Variants in RBFOX1 observed in about 807,000 individuals in gnomAD.
RBFOX1 encodes RNA binding protein fox-1 homolog 1.
Under a neutral mutation model 57.7 loss-of-function variants are expected in RBFOX1, and 8 were observed. The ratio of observed to expected loss-of-function variants is 0.14; its 90% CI spans 0.08 to 0.25. The LOEUF (loss-of-function observed/expected upper bound fraction) is 0.25. Ranked by LOEUF, RBFOX1 falls within the 10% of genes least tolerant of loss-of-function variation. The probability of loss-of-function intolerance (pLI) is 1.00; values close to 1 mark genes in which losing one functional copy is unlikely to be tolerated. For synonymous variants in RBFOX1, 326 were observed against 222.4 expected, an observed-to-expected ratio of 1.47 and a Z score of -4.15; for missense variants, 611 against 548.5, an observed-to-expected ratio of 1.11 and a Z score of -1.14.
intron 2 of RBFOX1, among the ~76,000 whole-genome samples, chr16:5,591,188 C>G (rs1233945709): frequency 6.6e-6 from 1 of 151,842 alleles, no homozygotes; most frequent in Non-Finnish European, 1.5e-5. Flanking sequence ...GTACAAAATT[C>G]AAGGGTCAGA....
At chr16:7,132,214 C>T (rs542850002) in intron 4 of RBFOX1, among the ~76,000 whole-genome samples, 7 of 151,994 alleles carry the variant, frequency 4.6e-5, no homozygotes, top group African/African-American at 1.2e-4. Context: ...CTCCTGACTT[C>T]GACTGATCTG....
At chr16:6,522,225 C>A (rs1273987803) in intron 2 of RBFOX1, among the ~76,000 whole-genome samples, 1 of 151,000 alleles carries the variant, frequency 6.6e-6, no homozygotes, top group Non-Finnish European at 1.5e-5. Flanking sequence ...CATTTTATGT[C>A]TCCCAAGTAG....
intron 2 of RBFOX1, among the ~76,000 whole-genome samples, chr16:6,550,030 A>C (rs1281907595): frequency 2.0e-5 from 3 of 152,202 alleles, no homozygotes; most frequent in African/African-American, 7.2e-5. Context: ...AAATCCACCC[A>C]AGAAGTGGAC....
chr16:7,425,984 C>G (rs2098606806), intron 4 of RBFOX1, among the ~76,000 whole-genome samples: 1 of 152,194 alleles, frequency 6.6e-6, no homozygotes, highest in African/African-American at 2.4e-5. Flanking sequence ...ATTGTTTATA[C>G]ACATTGGTGT....
intron 4 of RBFOX1, among the ~76,000 whole-genome samples, chr16:5,978,863 C>A (rs968632254): frequency 6.6e-6 from 1 of 152,126 alleles, no homozygotes; most frequent in Non-Finnish European, 1.5e-5. Context: ...AGAGCTACAC[C>A]CCCAATACTG....
chr16:6,131,610 G>A (rs1455227986), intron 1 of RBFOX1, among the ~76,000 whole-genome samples: 2 of 152,210 alleles, frequency 1.3e-5, no homozygotes, highest in East Asian at 1.9e-4. Context: ...CAGAAGTTGC[G>A]GAATTGCTCC....
intron 3 of RBFOX1, among the ~76,000 whole-genome samples, chr16:6,668,502 T>G (rs2098746114): frequency 1.3e-5 from 2 of 152,226 alleles, no homozygotes; most frequent in Non-Finnish European, 2.9e-5. Flanking sequence ...GCACTGGTAT[T>G]TTCATGGATA....
chr16:6,274,735 T>G (rs1300891919), intron 1 of RBFOX1, among the ~76,000 whole-genome samples: 1 of 152,196 alleles, frequency 6.6e-6, no homozygotes. Flanking sequence ...TACAAATTCA[T>G]ATGAATCTAG....
chr16:6,378,802 T>C (rs759823631), intron 2 of RBFOX1, among the ~76,000 whole-genome samples: 10 of 152,160 alleles, frequency 6.6e-5, no homozygotes, highest in Non-Finnish European at 1.5e-4. Flanking sequence ...AATTCTCATC[T>C]TTATAATATC....
chr16:6,981,585 G>A (rs895154922), intron 3 of RBFOX1, among the ~76,000 whole-genome samples: 5 of 152,108 alleles, frequency 3.3e-5, no homozygotes, highest in African/African-American at 1.2e-4. Flanking sequence ...CCACGTGGCT[G>A]GGGAGGCCTC....
chr16:7,708,921 A>C, intron 14 of RBFOX1, 135 bp from the exon 15 acceptor site: 1 of 731,562 alleles, frequency 1.4e-6, no homozygotes, highest in South Asian at 1.7e-5. Context: ...TATACTACAC[A>C]GCAGAGTAGA....
At chr16:7,425,222 T>C (rs924943083) in intron 4 of RBFOX1, among the ~76,000 whole-genome samples, 4 of 152,354 alleles carry the variant, frequency 2.6e-5, no homozygotes, top group Admixed American at 6.5e-5. Context: ...TGTTGTTTAA[T>C]GCTTCATTTA....
intron 3 of RBFOX1, among the ~76,000 whole-genome samples, chr16:7,018,963 T>A (rs2094062180): frequency 6.6e-6 from 1 of 151,434 alleles, no homozygotes; most frequent in Non-Finnish European, 1.5e-5. Flanking sequence ...TACAAAAAAA[T>A]TAAAAAGCAA....
intron 3 of RBFOX1, among the ~76,000 whole-genome samples, chr16:5,761,253 T>C (rs536822291): frequency 8.5e-5 from 13 of 152,232 alleles, no homozygotes; most frequent in African/African-American, 3.1e-4. Context: ...TGAAGAGTAA[T>C]ATAGAAGCAG....
intron 2 of RBFOX1, among the ~76,000 whole-genome samples, chr16:6,505,468 A>C (rs927849734): frequency 1.3e-5 from 2 of 152,228 alleles, no homozygotes; most frequent in African/African-American, 4.8e-5. Context: ...ATCCCAAATA[A>C]AATCAGAATT....
intron 2 of RBFOX1, among the ~76,000 whole-genome samples, chr16:6,622,016 C>G (rs1188715977): frequency 1.3e-5 from 2 of 152,162 alleles, no homozygotes; most frequent in African/African-American, 4.8e-5. Context: ...ACACCATTTT[C>G]AAGCCTTTAC....
intron 4 of RBFOX1, among the ~76,000 whole-genome samples, chr16:7,291,033 A>G (rs1302395258): frequency 2.0e-5 from 3 of 152,186 alleles, no homozygotes; most frequent in African/African-American, 7.2e-5. Flanking sequence ...GGATTTGTAC[A>G]TTCATATCAT....
At chr16:6,509,035 A>T (rs2096188139) in intron 2 of RBFOX1, among the ~76,000 whole-genome samples, 1 of 152,168 alleles carries the variant, frequency 6.6e-6, no homozygotes, top group Non-Finnish European at 1.5e-5. Context: ...TCATGGCACC[A>T]TACATTTGGA....
At chr16:5,752,376 C>T (rs1188805705) in intron 3 of RBFOX1, among the ~76,000 whole-genome samples, 1 of 152,152 alleles carries the variant, frequency 6.6e-6, no homozygotes. Flanking sequence ...AGGAAACCCC[C>T]ATGACACAAG....
Sources: allele counts gnomAD v4.1 joint callset (sites outside exome capture counted in the v4.1 genomes callset), GRCh38; gene constraint gnomAD v4.1.1; transcripts MANE v1.5; gene names NCBI Gene and HGNC (gene_info 2026-07-23, HGNC 2026-07-21).